Variants in PARP8 observed in about 807,000 individuals in gnomAD.
The protein encoded by PARP8 is protein mono-ADP-ribosyltransferase PARP8.
PARP8 carries 51 observed loss-of-function variants against 124.1 expected under a neutral mutation model. The ratio of observed to expected loss-of-function variants is 0.41; its 90% confidence interval spans 0.33 to 0.52. PARP8 has a LOEUF of 0.52. Ranked by LOEUF, PARP8 falls within the 20% of genes least tolerant of loss-of-function variation. The probability of loss-of-function intolerance (pLI) is 0.21; values close to 1 mark genes in which losing one functional copy is unlikely to be tolerated. For missense variants in PARP8, 860 were observed against 1,018.9 expected (o/e 0.84, Z 2.12); for synonymous variants, 391 against 361.5 (o/e 1.08, Z -0.93).
intron 2 of PARP8, among the ~76,000 whole-genome samples, chr5:50,683,212 AC>A (rs1751485893): frequency 6.6e-6 from 1 of 152,152 alleles, no homozygotes; most frequent in African/African-American, 2.4e-5. Context: ...CATTTTATTT[AC>A]TTTGAGGAAG....
chr5:50,754,146 T>TATATATATATATAC (rs1561331500), intron 3 of PARP8, among the ~76,000 whole-genome samples: 1 of 21,424 alleles, frequency 4.7e-5, no homozygotes, highest in Non-Finnish European at 1.1e-4. Flanking sequence ...TATATATATA[T>TATATATATATATAC]ATATACACAC....
At chr5:50,743,172 G>A (rs748453604) in intron 2 of PARP8, among the ~76,000 whole-genome samples, 3 of 152,068 alleles carry the variant, frequency 2.0e-5, no homozygotes, top group Non-Finnish European at 4.4e-5. Flanking sequence ...ATGGAACTAC[G>A]TGCAGCTTAA....
intron 2 of PARP8, among the ~76,000 whole-genome samples, chr5:50,700,074 A>G (rs559352407): frequency 2.8e-4 from 42 of 152,300 alleles, no homozygotes; most frequent in African/African-American, 9.6e-4. Context: ...CTGGTGAGAA[A>G]CATTAGTCTT....
At chr5:50,826,832 GC>G (rs760369595) in intron 19 of PARP8, 29 bp downstream of exon 19, 1 of 1,575,236 alleles carries the variant, frequency 6.3e-7, no homozygotes, top group East Asian at 2.3e-5. Flanking sequence ...TTTTACATAT[GC>G]ATACAGAAAT....
In PARP8 at chr5:50,818,764, A is replaced by G. The variant is rs192323142; in HGVS notation, c.1669-2449A>G. ...AAGGAATATAAATCCAAATTGTATT[A>G]TAAATGTTTTTCTTCTTAAAAAGTC... On this transcript the variant is annotated intron_variant, in intron 15 of 25. Coordinates refer to ENST00000281631, the MANE Select transcript of PARP8 (RefSeq NM_024615.4). 4.3e-4 allele frequency among the ~76,000 whole-genome samples: 65 copies of G among 152,322 alleles called. No individual in the cohort carries two copies. In the Middle Eastern group the frequency reaches 0.014, roughly 32 times the overall value.
intron 7 of PARP8, among the ~76,000 whole-genome samples, chr5:50,770,856 G>A (rs1384144668): frequency 1.3e-5 from 2 of 151,964 alleles, no homozygotes; most frequent in South Asian, 2.1e-4. Flanking sequence ...AGGCAGAGAT[G>A]AAAGTGTTCA....
chr5:50,760,644 T>G (rs1452064628), intron 5 of PARP8, among the ~76,000 whole-genome samples: 1 of 152,076 alleles, frequency 6.6e-6, no homozygotes, highest in African/African-American at 2.4e-5. Context: ...AACACTGTAA[T>G]TAGCTGAGGA....
chr5:50,830,409 C>T (rs894047825), intron 22 of PARP8, among the ~76,000 whole-genome samples: 10 of 152,056 alleles, frequency 6.6e-5, no homozygotes, highest in African/African-American at 2.4e-4. Context: ...TTGTTAACAA[C>T]TTTTTGTAAA....
chr5:50,803,897 T>TA (rs1205623451), intron 14 of PARP8, among the ~76,000 whole-genome samples: 1 of 152,198 alleles, frequency 6.6e-6, no homozygotes, highest in Non-Finnish European at 1.5e-5. Flanking sequence ...CTGGACATTT[T>TA]AAATACAATA....
intron 1 of PARP8, chr5:50,667,478 G>C: frequency 1.4e-6 from 1 of 699,596 alleles, no homozygotes; most frequent in East Asian, 2.7e-5. Flanking sequence ...CCAGCCCCGC[G>C]TAGTGCCCGA....
At position 50,817,202 on chromosome 5, in the gene PARP8, A is replaced by G. The variant is rs148844349; in HGVS notation, c.1668+1678A>G. Among the ~76,000 whole-genome samples, 18 of 152,362 alleles carry G rather than the reference A, an allele frequency of 1.2e-4. No homozygotes were observed. In the East Asian group the frequency reaches 3.3e-3, roughly 28 times the overall value. ...GGCCTTTTAAAATCATTGTTACATC[A>G]TAAAATTAATGGTTTTGAATAGAAA... On this transcript the variant is annotated intron_variant, in intron 15 of 25. Coordinates refer to ENST00000281631, the MANE Select transcript of PARP8 (RefSeq NM_024615.4).
chr5:50,822,775 AATGGAAC>A (rs1224932162), intron 17 of PARP8, among the ~76,000 whole-genome samples: 1 of 152,220 alleles, frequency 6.6e-6, no homozygotes, highest in Non-Finnish European at 1.5e-5. Flanking sequence ...TGTTCTTTAA[AATGGAAC>A]TTTTCCATAA....
At chr5:50,838,050 G>A (rs543544478) in intron 25 of PARP8, among the ~76,000 whole-genome samples, 4 of 152,218 alleles carry the variant, frequency 2.6e-5, no homozygotes, top group African/African-American at 7.2e-5. Flanking sequence ...GGCTGGAGAT[G>A]TGAATGTAGG....
intron 2 of PARP8, among the ~76,000 whole-genome samples, chr5:50,747,911 T>C (rs2149547626): frequency 6.6e-6 from 1 of 151,952 alleles, no homozygotes; most frequent in East Asian, 1.9e-4. Context: ...TAGCTGGGAC[T>C]ACAGGCGCCT....
chr5:50,696,408 G>A (rs1753029348), intron 2 of PARP8, among the ~76,000 whole-genome samples: 1 of 152,132 alleles, frequency 6.6e-6, no homozygotes, highest in Non-Finnish European at 1.5e-5. Flanking sequence ...GTGGAAGTAT[G>A]CATTAAATTT....
At chr5:50,765,877 A>G (rs1761006149) in intron 7 of PARP8, among the ~76,000 whole-genome samples, 1 of 152,232 alleles carries the variant, frequency 6.6e-6, no homozygotes, top group South Asian at 2.1e-4. Flanking sequence ...TGTTGAAAAC[A>G]GACTGTTCTA....
At chr5:50,748,041 T>G (rs1316263071) in intron 2 of PARP8, among the ~76,000 whole-genome samples, 2 of 152,160 alleles carry the variant, frequency 1.3e-5, no homozygotes, top group African/African-American at 4.8e-5. Flanking sequence ...AATGAAGTTA[T>G]TGATATGATT....
At chr5:50,725,935 A>G (rs1285473826) in intron 2 of PARP8, among the ~76,000 whole-genome samples, 1 of 152,064 alleles carries the variant, frequency 6.6e-6, no homozygotes, top group Non-Finnish European at 1.5e-5. Context: ...TATACACAAG[A>G]TTTCCTTCAA....
chr5:50,736,204 TA>T (rs1757461062), intron 2 of PARP8, among the ~76,000 whole-genome samples: 1 of 152,012 alleles, frequency 6.6e-6, no homozygotes. Context: ...ATACAGAGGG[TA>T]ATTTGTGACA....
Sources: gnomAD v4.1 joint callset for allele counts (sites outside exome capture counted in the v4.1 genomes callset) on GRCh38, gnomAD v4.1.1 for gene constraint, MANE v1.5 for transcripts, NCBI Gene and HGNC (gene_info 2026-07-23, HGNC 2026-07-21) for gene names.